ATP8B1: variants seen among roughly 807,000 people sequenced by gnomAD.
ATP8B1 encodes the protein phospholipid-transporting ATPase IC.
A neutral mutation model predicts 149.9 loss-of-function variants in ATP8B1; 80 were observed. The observed-to-expected ratio is 0.53, with a 90% CI of 0.45 to 0.64. The LOEUF (loss-of-function observed/expected upper bound fraction) is 0.64, where lower values mean the gene tolerates loss of function less well. Ranked by LOEUF, ATP8B1 falls within the 30% of genes least tolerant of loss-of-function variation. The probability of loss-of-function intolerance (pLI) is 0.00; values close to 1 mark genes in which losing one functional copy is unlikely to be tolerated. For synonymous variants in ATP8B1, 536 were observed against 562.8 expected, an observed-to-expected ratio of 0.95 and a Z score of 0.67; for missense variants, 1,247 against 1,552.6, an observed-to-expected ratio of 0.80 and a Z score of 3.31.
chr18:57,648,928 C>T (rs1050700301), intron 27 of ATP8B1, among the ~76,000 whole-genome samples: 4 of 144,436 alleles, frequency 2.8e-5, no homozygotes, highest in Non-Finnish European at 4.5e-5. Context: ...GAGACAGTCT[C>T]GCTCTGTCAC....
intron 6 of ATP8B1, among the ~76,000 whole-genome samples, 162 bp downstream of exon 6, chr18:57,700,877 A>G (rs1361589810): frequency 1.3e-5 from 2 of 152,236 alleles, no homozygotes; most frequent in Admixed American, 1.3e-4. Flanking sequence ...AGATAACGCT[A>G]CTGCACTCCA....
chr18:57,743,893 T>C (rs1441302509), intron 1 of ATP8B1, among the ~76,000 whole-genome samples: 3 of 152,040 alleles, frequency 2.0e-5, no homozygotes, highest in Non-Finnish European at 4.4e-5. Flanking sequence ...TGTTCAAAAG[T>C]CACCCTGGAA....
chr18:57,701,233 T>A lies in ATP8B1; in HGVS notation c.474A>T (p.Lys158Asn). 6.2e-7 allele frequency: 1 copy of A among 1,614,204 alleles called. No individual in the cohort carries two copies. The highest frequency in any genetic ancestry group is 8.5e-7 in the Non-Finnish European group (1 of 1,180,032). The change falls in exon 5 of 28, where the codon AAA (lysine) becomes AAT (asparagine). Residue 158 changes from lysine (K) to asparagine (N), a missense_variant. Lys to Asn is a moderately conservative substitution (Grantham distance 94). Transcript: ENST00000648908. ...LLVVLGVTAI[K>N]DLVDDVARHK... ...TCCTCACCACATCGTCCACCAGGTC[T>A]TTGATTGCAGTGACGCCCAGCACCA...
intron 2 of ATP8B1, among the ~76,000 whole-genome samples, chr18:57,713,255 CTTTCTTTCTCTTTCTTTCTTTCTTT>C (rs1458529854): frequency 1.6e-5 from 2 of 126,570 alleles, no homozygotes; most frequent in Non-Finnish European, 3.3e-5. Flanking sequence ...TTCTTTCTTT[CTTTCTTTCTCTTTCTTTCTTTCTTT>C]TTTCTTTCTC....
At chr18:57,787,752 T>C (rs757870422) in intron 1 of ATP8B1, among the ~76,000 whole-genome samples, 6 of 152,228 alleles carry the variant, frequency 3.9e-5, no homozygotes, top group Non-Finnish European at 8.8e-5. Flanking sequence ...AGATACCTTT[T>C]TGAATGTCAG....
chr18:57,656,295 T>C (rs1292606109), intron 22 of ATP8B1, among the ~76,000 whole-genome samples: 1 of 152,148 alleles, frequency 6.6e-6, no homozygotes, highest in Non-Finnish European at 1.5e-5. Context: ...GTCTCTCTCT[T>C]GATATTCTGG....
At chr18:57,660,045 G>A (rs1001760325) in intron 22 of ATP8B1, among the ~76,000 whole-genome samples, 1 of 152,108 alleles carries the variant, frequency 6.6e-6, no homozygotes, top group Non-Finnish European at 1.5e-5. Flanking sequence ...AGGTGACACC[G>A]GATTTTGGCA....
chr18:57,747,137 A>G (rs764667828), intron 1 of ATP8B1, among the ~76,000 whole-genome samples: 1 of 152,212 alleles, frequency 6.6e-6, no homozygotes, highest in Non-Finnish European at 1.5e-5. Context: ...GAGAGGGGCC[A>G]GAGACAAAGA....
intron 1 of ATP8B1, among the ~76,000 whole-genome samples, chr18:57,778,411 T>A (rs1047532249): frequency 2.0e-5 from 3 of 151,816 alleles, no homozygotes; most frequent in African/African-American, 4.8e-5. Context: ...ATTTTTTTTT[T>A]AATAGAGACG....
rs375421783 is a variant in ATP8B1 at position 57,776,400 on chromosome 18, C to T, written c.-26+26598G>A. 3.3e-5 allele frequency among the ~76,000 whole-genome samples: 5 copies of T among 152,202 alleles called. 1 individual carries two copies. The highest frequency in any genetic ancestry group is 3.8e-4 in the East Asian group (2 of 5,196). On this transcript the variant is annotated intron_variant, in intron 1 of 27. Transcript: ENST00000648908. ...CTCTTGAAAGTAATTTTAATTATCT[C>T]GTTTAATGACCTTCACCTTGCAGGA...
intron 1 of ATP8B1, among the ~76,000 whole-genome samples, chr18:57,795,598 G>A (rs913468091): frequency 1.3e-5 from 2 of 152,160 alleles, no homozygotes; most frequent in African/African-American, 4.8e-5. Flanking sequence ...AGTGAAATAA[G>A]CTAGTCATAA....
At chr18:57,692,596 C>T (rs1340290011) in intron 11 of ATP8B1, among the ~76,000 whole-genome samples, 2 of 151,934 alleles carry the variant, frequency 1.3e-5, no homozygotes, top group African/African-American at 2.4e-5. Context: ...CCACCAAGGC[C>T]GGCTAATTTT....
At chr18:57,766,324 T>G (rs1009832752) in intron 1 of ATP8B1, among the ~76,000 whole-genome samples, 27 of 152,106 alleles carry the variant, frequency 1.8e-4, no homozygotes, top group African/African-American at 6.0e-4. Flanking sequence ...AACAATAAAT[T>G]TTTTTTAAGT....
rs1484599661 is a variant in ATP8B1 at position 57,653,325 on chromosome 18, C to G, written c.3016-596G>C. On this transcript the variant is annotated intron_variant, in intron 24 of 27. Coordinates refer to ENST00000648908, the MANE Select transcript of ATP8B1 (RefSeq NM_001374385.1). ...TTGGAGACAGGGTCTCACTTTGTTGCCCAGCCCGGAGTGCAGTGGCACAAA... is the reference window on the plus strand; with the variant it reads ...TTGGAGACAGGGTCTCACTTTGTTGGCCAGCCCGGAGTGCAGTGGCACAAA... Among the ~76,000 whole-genome samples the G allele has an allele frequency of 4.4e-5, 6 of 135,364 alleles. No homozygotes were observed. In the Admixed American group the frequency reaches 5.0e-4, roughly 11 times the overall value. 88.8% of individuals were successfully genotyped at this position (135,364 alleles called of 152,430 possible).
rs377153328 is a variant in ATP8B1, at chr18:57,756,252, C to CAT, written c.-25-24422_-25-24421dup. ...ACACACACACATATATACACACACA[C>CAT]ATATATATATATGAAATATTTACAC... On this transcript the variant is annotated intron_variant, in intron 1 of 27. Coordinates refer to ENST00000648908, the MANE Select transcript of ATP8B1 (RefSeq NM_001374385.1). 8.3e-5 allele frequency among the ~76,000 whole-genome samples: 9 copies of CAT among 108,982 alleles called. 1 individual carries two copies. The highest frequency in any genetic ancestry group is 5.7e-4 in the South Asian group (2 of 3,502). The allele number at this position is 108,982 out of a possible 152,430, so 71.5% of individuals were successfully genotyped here. A position where few individuals can be genotyped will look rare whatever the true frequency, so the allele number is the denominator to read the frequency against.
chr18:57,662,566 A>G lies in ATP8B1; in HGVS notation c.2335T>C (p.Tyr779His), dbSNP rs1910535243. ...TGCACAGGAGGTGCAAACTTTGCGT[A>G]GACGCCACCTCTATTCCTCTGGTTT... ...MENQRNRGGV[Y>H]AKFAPPVQES... is the part of the protein sequence containing the mutation. The change falls in exon 21 of 28, where the codon TAC (tyrosine) becomes CAC (histidine). Residue 779 changes from tyrosine to histidine, a missense_variant. By Grantham distance (83) the Tyr-to-His change is moderately conservative. Around this residue, in one of 3 missense-constraint regions of ATP8B1, gnomAD observed 853 missense variants for 1,035.7 expected, o/e 0.82. Transcript: ENST00000648908. 2 of 1,614,074 alleles carry G rather than the reference A, an allele frequency of 1.2e-6. No individual in the cohort carries two copies. Among genetic ancestry groups the G allele is most frequent in the African/African-American group, 2.7e-5 (2 of 74,920 alleles).
intron 15 of ATP8B1, among the ~76,000 whole-genome samples, chr18:57,678,769 A>G (rs546513204): frequency 2.1e-5 from 1 of 46,680 alleles, no homozygotes; most frequent in African/African-American, 5.9e-5. Context: ...TTAGCCAGGC[A>G]TGGTGGCGGG....
intron 1 of ATP8B1, among the ~76,000 whole-genome samples, chr18:57,764,757 CAAAAAAAAAA>C (rs71171091): frequency 6.7e-5 from 7 of 104,156 alleles, no homozygotes; most frequent in South Asian, 7.0e-4. Context: ...TTTCAGTTGT[CAAAAAAAAAA>C]AAAAAAAAAA....
Position 57,724,235 on chromosome 18 carries a change from A to C in ATP8B1, c.181+7392T>G, listed in dbSNP as rs1014044153. Among the ~76,000 whole-genome samples, 7 of 146,532 alleles carry C rather than the reference A, an allele frequency of 4.8e-5. 1 individual carries two copies. Among genetic ancestry groups the C allele is most frequent in the Admixed American group, 2.7e-4 (4 of 14,546 alleles). ...ACACCAAAAGCAATGGCAACAAAAG[A>C]CAAAATTGACAAATGGGATCTAATT... is the stretch of plus-strand genomic sequence containing the variant. On this transcript the variant is annotated intron_variant, in intron 2 of 27. Transcript: ENST00000648908.
Sources: allele counts gnomAD v4.1 joint callset (sites outside exome capture counted in the v4.1 genomes callset), GRCh38; gene constraint gnomAD v4.1.1; regional missense constraint gnomAD v4.1.1; transcripts MANE v1.5; gene names NCBI Gene and HGNC (gene_info 2026-07-23, HGNC 2026-07-21).